The following TENM1 variants were observed in gnomAD, a reference collection of about 807,000 sequenced individuals.
TENM1 encodes teneurin transmembrane protein 1, also known as teneurin-1.
A neutral mutation model predicts 174.8 loss-of-function variants in TENM1; 35 were observed. The ratio of observed to expected loss-of-function variants is 0.20; its 90% confidence interval spans 0.15 to 0.27. TENM1 has a LOEUF of 0.27. Among genes scored for constraint, TENM1 ranks in the 10% least tolerant of loss-of-function variants. The probability of loss-of-function intolerance (pLI) is 1.00; values close to 1 mark genes in which losing one functional copy is unlikely to be tolerated. For synonymous variants in TENM1, 781 were observed against 798.7 expected (o/e 0.98, Z 0.37); for missense variants, 1,633 against 2,130.1 (o/e 0.77, Z 4.59).
At chrX:125,111,548 GC>G in the TENM1 span, among the ~76,000 whole-genome samples, 1 of 111,951 alleles carries the variant, frequency 8.9e-6, no homozygotes, top group South Asian at 3.7e-4. Flanking sequence ...TTCACTATGG[GC>G]TAAGCACTGA....
At chrX:124,754,895 G>A (rs999692583) in intron 3 of TENM1, among the ~76,000 whole-genome samples, 5 of 105,901 alleles carry the variant, frequency 4.7e-5, no homozygotes, top group African/African-American at 1.8e-4. Flanking sequence ...GCTGAGGAGA[G>A]CTTTACTTCC....
At chrX:125,133,860 T>A in the TENM1 span, among the ~76,000 whole-genome samples, 1 of 112,014 alleles carries the variant, frequency 8.9e-6, no homozygotes, top group African/African-American at 3.2e-5. Flanking sequence ...ATGGACAGAT[T>A]TACTGATCAT....
rs112813437 is a variant in TENM1 at position 124,520,791 on chromosome X, TAA to T, written c.3034-9_3034-8del. The T allele has an allele frequency of 0.066, 61,835 of 934,733 alleles. 1,592 individuals are homozygous for T. Among genetic ancestry groups the T allele is most frequent in the African/African-American group, 0.36 (15,015 of 41,943 alleles). 77.0% of individuals were successfully genotyped at this position (934,733 alleles called of 1,213,427 possible). On this transcript the variant is annotated splice_polypyrimidine_tract_variant and splice_region_variant and intron_variant, in intron 17 of 31. Transcript: ENST00000422452. ...GAATTTCCTCCTGTACAACCTGAAATAAAAAAAAAAAAAAAAAGCCAAATAGG... is the reference window on the plus strand; with the variant it reads ...GAATTTCCTCCTGTACAACCTGAAATAAAAAAAAAAAAAAAGCCAAATAGG...
intron 15 of TENM1, among the ~76,000 whole-genome samples, chrX:124,532,382 A>G (rs2048126640): frequency 9.0e-6 from 1 of 111,683 alleles, no homozygotes; most frequent in Non-Finnish European, 1.9e-5. Flanking sequence ...TATATGGCTT[A>G]TATTTATGAA....
At chrX:124,469,539 G>A (rs192101299) in intron 22 of TENM1, among the ~76,000 whole-genome samples, 20 of 111,130 alleles carry the variant, frequency 1.8e-4, no homozygotes, top group Admixed American at 1.6e-3. Context: ...AATTTCACAG[G>A]GCTCAAATTG....
At chrX:124,671,707 C>A in exon 6 of TENM1, 1 of 1,206,564 alleles carries the variant, frequency 8.3e-7, no homozygotes, top group South Asian at 1.8e-5. Flanking sequence ...TTATCAGAAA[C>A]TTTTCCTCCA....
chrX:124,646,785 A>G (rs753656997), exon 9 of TENM1: 1 of 1,199,473 alleles, frequency 8.3e-7, no homozygotes, highest in Non-Finnish European at 1.1e-6. Context: ...TTCCATTGCA[A>G]TTGGTTGAAC....
chrX:125,110,004 G>A, the TENM1 span, among the ~76,000 whole-genome samples: 4 of 111,562 alleles, frequency 3.6e-5, no homozygotes, highest in African/African-American at 1.3e-4. Context: ...ACTGGGGAAG[G>A]AAAGGATGCA....
At chrX:124,644,783 T>C (rs2051114174) in intron 10 of TENM1, among the ~76,000 whole-genome samples, 1 of 111,830 alleles carries the variant, frequency 8.9e-6, no homozygotes, top group South Asian at 3.7e-4. Context: ...TTTTATTATG[T>C]GCTTTAAAGT....
the TENM1 span, among the ~76,000 whole-genome samples, chrX:125,194,585 T>A: frequency 1.8e-5 from 2 of 111,796 alleles, no homozygotes; most frequent in East Asian, 5.6e-4. Flanking sequence ...TGGATAAACC[T>A]CAGGAAAAAC....
At chrX:124,944,242 A>C (rs2058370197) in intron 1 of TENM1, among the ~76,000 whole-genome samples, 2 of 111,015 alleles carry the variant, frequency 1.8e-5, no homozygotes, top group South Asian at 7.4e-4. Context: ...TTTACCAGCT[A>C]ATTTTTTTTA....
At chrX:124,690,945 A>C (rs2052505537) in intron 5 of TENM1, among the ~76,000 whole-genome samples, 1 of 94,620 alleles carries the variant, frequency 1.1e-5, no homozygotes, top group African/African-American at 5.4e-5. Flanking sequence ...CCTTTATAGC[A>C]ACACAGACTA....
At chrX:124,963,967 A>G (rs1337691757), upstream of TENM1, 35 of 413,044 alleles carry the variant, frequency 8.5e-5, no homozygotes, top group Admixed American at 1.5e-3. Context: ...CGGAGGCAAT[A>G]ATAACACTCT....
At chrX:124,818,057 T>C (rs1444801077) in intron 3 of TENM1, among the ~76,000 whole-genome samples, 2 of 111,007 alleles carry the variant, frequency 1.8e-5, no homozygotes, top group Non-Finnish European at 3.8e-5. Context: ...TTTTTTTAAT[T>C]GCAATTAAAA....
intron 3 of TENM1, among the ~76,000 whole-genome samples, chrX:124,814,764 A>T (rs1298005621): frequency 1.8e-5 from 2 of 111,497 alleles, no homozygotes; most frequent in South Asian, 7.5e-4. Flanking sequence ...AAGGGGTGTG[A>T]TAAAGGAAAA....
the TENM1 span, among the ~76,000 whole-genome samples, chrX:125,071,803 G>A: frequency 2.7e-5 from 3 of 111,115 alleles, no homozygotes; most frequent in African/African-American, 9.8e-5. Flanking sequence ...TTATTAGCCT[G>A]TTTCAGTAGC....
At chrX:125,186,448 A>T in the TENM1 span, among the ~76,000 whole-genome samples, 2 of 110,814 alleles carry the variant, frequency 1.8e-5, no homozygotes. Context: ...TTGAGATTTG[A>T]TCCTTAGTGC....
At chrX:124,664,718 GTGTA>G (rs1476986078) in intron 6 of TENM1, among the ~76,000 whole-genome samples, 255 of 100,991 alleles carry the variant, frequency 2.5e-3, no homozygotes, top group African/African-American at 9.5e-3. Context: ...GTGTGTGTGT[GTGTA>G]TCTTTTGCTT....
chrX:125,172,527 A>T, the TENM1 span, among the ~76,000 whole-genome samples: 1 of 111,508 alleles, frequency 9.0e-6, no homozygotes, highest in East Asian at 2.8e-4. Flanking sequence ...CTCACTAGGA[A>T]AAACGTCCTG....
Sources: allele counts gnomAD v4.1 joint callset (sites outside exome capture counted in the v4.1 genomes callset), GRCh38; gene constraint gnomAD v4.1.1; transcripts MANE v1.5; gene names NCBI Gene and HGNC (gene_info 2026-07-23, HGNC 2026-07-21).